PTK6: variants seen among roughly 807,000 people sequenced by gnomAD.
PTK6 encodes the protein protein-tyrosine kinase 6.
PTK6 carries 47 observed loss-of-function variants against 47.5 expected under a neutral mutation model. That is an observed-to-expected ratio of 0.99 (90% CI 0.78 to 1.26). The LOEUF is 1.26. Among genes scored for constraint, PTK6 ranks in the 50% most tolerant of loss-of-function variants. PTK6 has a pLI of 0.00. For synonymous variants in PTK6, 287 were observed against 276.5 expected (o/e 1.04, Z -0.38); for missense variants, 618 against 625.3 (o/e 0.99, Z 0.12).
At position 63,534,968 on chromosome 20, in the gene PTK6, C is replaced by T. The variant is rs754276353; in HGVS notation, c.322G>A (p.Glu108Lys). ...ATGAFLIRVS[E>K]KPSADYVLSV... ...AGGACGTAGTCGGCACTCGGCTTCT[C>T]GCTGACCCTGATCAGGAAGGCGCCC... Residue 108 changes from glutamate (E) to lysine (K), a missense_variant, in exon 2 of 8, where the codon GAG (glutamate) becomes AAG (lysine). Coordinates refer to ENST00000542869, the MANE Select transcript of PTK6 (RefSeq NM_005975.4). 5.0e-6 allele frequency: 8 copies of T among 1,606,752 alleles called. No individual in the cohort carries two copies. The highest frequency in any genetic ancestry group is 2.7e-5 in the African/African-American group (2 of 74,848).
Position 63,530,193 on chromosome 20 carries a change from G to C in PTK6, c.1053C>G (p.Tyr351Ter). ...VYLSHDHNIPYKWTAPEALSR... is the reference protein window; with the variant it reads ...VYLSHDHNIP ...AGAGCGCTTCAGGGGCCGTCCACTT[G>C]TAGGGGATATTGTGGTCATGGGAGA... is the stretch of plus-strand genomic sequence containing the variant. The change falls in exon 7 of 8, where the codon TAC (tyrosine) becomes TAG (stop). Residue 351 changes from tyrosine to a stop codon, truncating the protein, a stop_gained. Transcript: ENST00000542869. LOFTEE classifies it high-confidence loss of function. This position sits in a 1 kb window ranked among gnomAD's most constrained non-coding sequence, Gnocchi z 4.1. 6.2e-7 allele frequency: 1 copy of C among 1,614,062 alleles called. No homozygotes were observed.
At position 63,534,947 on chromosome 20, in the gene PTK6, C is replaced by G. The variant is rs145627260; in HGVS notation, c.343G>C (p.Val115Leu). The change falls in exon 2 of 8, where the codon GTC (valine) becomes CTC (leucine). Residue 115 changes from valine (V) to leucine (L), a missense_variant. By Grantham distance (32) the Val-to-Leu change is conservative. Transcript: ENST00000542869. ...RVSEKPSADY[V>L]LSVRDTQAVR... ...GAGGCCGGGGCCGCACCCGACAGGA[C>G]GTAGTCGGCACTCGGCTTCTCGCTG... 1 of 1,602,848 alleles carries G rather than the reference C, an allele frequency of 6.2e-7. No homozygotes were observed. Among genetic ancestry groups the G allele is most frequent in the Non-Finnish European group, 8.5e-7 (1 of 1,175,854 alleles).
In PTK6 at chr20:63,532,666, A is replaced by C; in HGVS notation, c.692T>G (p.Met231Arg). The C allele has an allele frequency of 6.2e-7, 1 of 1,614,012 alleles. No individual in the cohort carries two copies. The highest frequency in any genetic ancestry group is 1.1e-5 in the South Asian group (1 of 91,078). Residue 231 changes from methionine to arginine, a missense_variant, in exon 5 of 8, where the codon ATG becomes AGG. Transcript: ENST00000542869. The stretch of plus-strand genomic sequence containing the variant: ...CATGGCCTGGATCTCCGACTGCAGC[A>C]TCTGCTGGTGCAGGAGGTTGTCTGC... Reference protein sequence around the residue: ...ISRDNLLHQQMLQSEIQAMKK... With the variant: ...ISRDNLLHQQRLQSEIQAMKK...
intron 5 of PTK6, among the ~76,000 whole-genome samples, chr20:63,531,198 G>C (rs2145970526): frequency 6.6e-6 from 1 of 151,686 alleles, no homozygotes; most frequent in Middle Eastern, 3.4e-3. Flanking sequence ...GAGGCGGATG[G>C]ATCACGAGGT....
At chr20:63,534,831 C>A in intron 2 of PTK6, 107 bp downstream of exon 2, 1 of 1,418,338 alleles carries the variant, frequency 7.1e-7, no homozygotes, top group Non-Finnish European at 9.3e-7. Context: ...GAGAGGAGCC[C>A]ATGTCCCCCG....
In PTK6 at chr20:63,528,588, ATTTTTT is replaced by A. The variant is rs1439134558; in HGVS notation, c.*942_*947del. On this transcript the variant is annotated 3_prime_UTR_variant, in exon 8 of 8. Coordinates refer to ENST00000542869, the MANE Select transcript of PTK6 (RefSeq NM_005975.4). ...CCACCACACCCAGCTAATTTTTTGTATTTTTTAGTAGAGACGGGGTTTCACCGTGTT... is the reference window on the plus strand; with the variant it reads ...CCACCACACCCAGCTAATTTTTTGTAAGTAGAGACGGGGTTTCACCGTGTT... 1 of 150,342 alleles carries A rather than the reference ATTTTTT, an allele frequency of 6.7e-6. No individual in the cohort carries two copies. Among genetic ancestry groups the A allele is most frequent in the African/African-American group, 2.5e-5 (1 of 40,778 alleles). 9.3% of individuals were successfully genotyped at this position (150,342 alleles called of 1,614,324 possible).
chr20:63,530,218 A>T lies in PTK6; in HGVS notation c.1028T>A (p.Leu343His). Reference protein sequence around the residue: ...LARLIKEDVYLSHDHNIPYKW... With the variant: ...LARLIKEDVYHSHDHNIPYKW... ...GTAGGGGATATTGTGGTCATGGGAGAGGTAGACGTCCTCCTGCAATCAGCC... is the reference window on the plus strand; with the variant it reads ...GTAGGGGATATTGTGGTCATGGGAGTGGTAGACGTCCTCCTGCAATCAGCC... Residue 343 changes from leucine (L) to histidine (H), a missense_variant, in exon 7 of 8, where the codon CTC (leucine) becomes CAC (histidine). Coordinates refer to ENST00000542869, the MANE Select transcript of PTK6 (RefSeq NM_005975.4). This position sits in a 1 kb window ranked among gnomAD's most constrained non-coding sequence, Gnocchi z 4.1. 6.2e-7 allele frequency: 1 copy of T among 1,613,854 alleles called. No individual in the cohort carries two copies. The highest frequency in any genetic ancestry group is 1.1e-5 in the South Asian group (1 of 91,086).
Position 63,532,450 on chromosome 20 carries a change from T to C in PTK6, c.832+76A>G. The C allele has an allele frequency of 3.0e-6, 4 of 1,316,630 alleles. No individual in the cohort carries two copies. The East Asian group carries it at 8.1e-5, about 27-fold the overall frequency. The allele number at this position is 1,316,630 out of a possible 1,614,324, so 81.6% of individuals were successfully genotyped here. ...GTCTACGTGTGTGTGTGTGTAGACG[T>C]GGGGGGGGGGTGTGCACTTTATTTC... On this transcript the variant is annotated intron_variant, in intron 5 of 7. Transcript: ENST00000542869.
rs79063916 is a variant in PTK6 at position 63,533,853 on chromosome 20, A to C, written c.517-149T>G. On this transcript the variant is annotated intron_variant, in intron 3 of 7. Transcript: ENST00000542869. This position sits in a 1 kb window ranked among gnomAD's most constrained non-coding sequence, Gnocchi z 4.0. ...TTCTGAGTGTCTGACACAAGGGTGG[A>C]CTCTCCTGGGGGCTGCCCCCAGCCC... 2.4e-4 allele frequency: 285 copies of C among 1,200,048 alleles called. No individual in the cohort carries two copies. Among genetic ancestry groups the C allele is most frequent in the Non-Finnish European group, 3.2e-4 (278 of 882,192 alleles). The allele number at this position is 1,200,048 out of a possible 1,614,324, so 74.3% of individuals were successfully genotyped here. A position where few individuals can be genotyped will look rare whatever the true frequency, so the allele number is the denominator to read the frequency against.
chr20:63,530,791 G>A lies in PTK6; in HGVS notation c.969C>T (p.Asn323=), dbSNP rs761164304. 3 of 1,614,070 alleles carry A rather than the reference G, an allele frequency of 1.9e-6. No homozygotes were observed. Among genetic ancestry groups the A allele is most frequent in the East Asian group, 2.2e-5 (1 of 44,868 alleles). ...CGAAGTCCCCAACTTTGCAGAGGGT[G>A]TTTTCCCCGACGAGGATGTTCCTGG... is the stretch of plus-strand genomic sequence containing the variant. ...LAARNILVGE[N]TLCKVGDFGL... Residue 323 remains asparagine, a synonymous_variant, in exon 6 of 8, where the codon AAC becomes AAT. Coordinates refer to ENST00000542869, the MANE Select transcript of PTK6 (RefSeq NM_005975.4). The surrounding 1 kb of genome is among the most constrained non-coding windows in gnomAD (Gnocchi z 4.1).
chr20:63,534,961 G>T lies in PTK6; in HGVS notation c.329C>A (p.Pro110Gln), dbSNP rs546666611. 5 of 1,605,568 alleles carry T rather than the reference G, an allele frequency of 3.1e-6. No homozygotes were observed. The South Asian group carries it at 5.5e-5, about 18-fold the overall frequency. Residue 110 changes from proline (P) to glutamine (Q), a missense_variant, in exon 2 of 8, where the codon CCG becomes CAG. Pro to Gln is a moderately conservative substitution (Grantham distance 76). Coordinates refer to ENST00000542869, the MANE Select transcript of PTK6 (RefSeq NM_005975.4). ...ACCCGACAGGACGTAGTCGGCACTC[G>T]GCTTCTCGCTGACCCTGATCAGGAA... ...GAFLIRVSEK[P>Q]SADYVLSVRD...
chr20:63,529,581 C>A lies in PTK6; in HGVS notation c.1311G>T (p.Leu437=). The change falls in exon 8 of 8, where the codon CTG becomes CTT. Residue 437 remains leucine, a synonymous_variant. Transcript: ENST00000542869. This position sits in a 1 kb window ranked among gnomAD's most constrained non-coding sequence, Gnocchi z 5.6. The part of the protein sequence containing the change: ...DPEQRPCFKA[L]RERLSSFTSY... ...TGGTGAAGCTGGAGAGCCTCTCCCG[C>A]AGGGCCTTGAAGCAGGGTCTCTGCT... is the stretch of plus-strand genomic sequence containing the variant. 6.3e-7 allele frequency: 1 copy of A among 1,575,602 alleles called. No homozygotes were observed. The highest frequency in any genetic ancestry group is 8.6e-7 in the Non-Finnish European group (1 of 1,160,542).
rs962758114 is a variant in PTK6 at position 63,535,175 on chromosome 20, C to T, written c.231-116G>A. On this transcript the variant is annotated intron_variant, in intron 1 of 7. Transcript: ENST00000542869. ...CGCCCTTGCCTGCCACCTCAAGCTCCCAGCCCTGACCACAGCTGCTCTCAG... is the reference window on the plus strand; with the variant it reads ...CGCCCTTGCCTGCCACCTCAAGCTCTCAGCCCTGACCACAGCTGCTCTCAG... 2.9e-6 allele frequency: 4 copies of T among 1,364,466 alleles called. No homozygotes were observed. The African/African-American group carries it at 5.9e-5, about 20-fold the overall frequency. 84.5% of individuals were successfully genotyped at this position (1,364,466 alleles called of 1,614,324 possible). A position where few individuals can be genotyped will look rare whatever the true frequency, so the allele number is the denominator to read the frequency against.
At position 63,533,896 on chromosome 20, in the gene PTK6, C is replaced by G. The variant is rs114006764; in HGVS notation, c.517-192G>C. ...CCCAGCCCAGCATGAAACACCCAGA[C>G]AGACCGGAGCCAGGACCCTGCAGAG... On this transcript the variant is annotated intron_variant, in intron 3 of 7. Transcript: ENST00000542869. This position sits in a 1 kb window ranked among gnomAD's most constrained non-coding sequence, Gnocchi z 4.0. 0.01 allele frequency among the ~76,000 whole-genome samples: 1,590 copies of G among 152,280 alleles called. 26 individuals are homozygous for G. The highest frequency in any genetic ancestry group is 0.036 in the African/African-American group (1,505 of 41,554).
rs545619534 is a variant in PTK6, at chr20:63,534,197, G to A, written c.471C>T (p.Ala157=). The change falls in exon 3 of 8, where the codon GCC becomes GCT. Residue 157 remains alanine, a synonymous_variant. Coordinates refer to ENST00000542869, the MANE Select transcript of PTK6 (RefSeq NM_005975.4). ...SLPELVNYHR[A]QSLSHGLRLA... The stretch of plus-strand genomic sequence containing the variant: ...GCCGCAGGCCGTGGGACAGGCTCTG[G>A]GCCCTGTGGTAGTTCACAAGCTCGG... 16 of 1,576,316 alleles carry A rather than the reference G, an allele frequency of 1.0e-5. No individual in the cohort carries two copies. The South Asian group carries it at 1.7e-4, about 17-fold the overall frequency.
In PTK6 at chr20:63,533,260, G is replaced by A. The variant is rs1340589183; in HGVS notation, c.670+291C>T. Among the ~76,000 whole-genome samples the A allele has an allele frequency of 6.6e-6, 1 of 152,182 alleles. No individual in the cohort carries two copies. The highest frequency in any genetic ancestry group is 1.5e-5 in the Non-Finnish European group (1 of 67,994). ...TTTTTGTATTTTTAGTAGAGACGTG[G>A]TTTCCCCATGTTGGCCAGGCTGGTC... On this transcript the variant is annotated intron_variant, in intron 4 of 7. Coordinates refer to ENST00000542869, the MANE Select transcript of PTK6 (RefSeq NM_005975.4). The surrounding 1 kb of genome is among the most constrained non-coding windows in gnomAD (Gnocchi z 4.0).
chr20:63,529,305 G>A lies in PTK6; in HGVS notation c.*231C>T. On this transcript the variant is annotated 3_prime_UTR_variant, in exon 8 of 8. Coordinates refer to ENST00000542869, the MANE Select transcript of PTK6 (RefSeq NM_005975.4). The surrounding 1 kb of genome is among the most constrained non-coding windows in gnomAD (Gnocchi z 5.6). ...CGTGTCAGTCTCCCGGATCTCATCT[G>A]CAGGCTCCAGAGCAGGCTGCGTGTC... 1 of 452,506 alleles carries A rather than the reference G, an allele frequency of 2.2e-6. No individual in the cohort carries two copies. Among genetic ancestry groups the A allele is most frequent in the Non-Finnish European group, 3.9e-6 (1 of 258,898 alleles). The allele number at this position is 452,506 out of a possible 1,614,324, so 28.0% of individuals were successfully genotyped here.
rs774944259 is a variant in PTK6 at position 63,530,715 on chromosome 20, C to T, written c.1014+31G>A. ...CAGCCCTCCGGCCACGCCCCGGCCA[C>T]GACCCCAGCCACGCCCTCTGAGGGC... On this transcript the variant is annotated intron_variant, in intron 6 of 7. Coordinates refer to ENST00000542869, the MANE Select transcript of PTK6 (RefSeq NM_005975.4). This position sits in a 1 kb window ranked among gnomAD's most constrained non-coding sequence, Gnocchi z 4.1. The T allele has an allele frequency of 2.2e-5, 35 of 1,608,092 alleles. No homozygotes were observed. The highest frequency in any genetic ancestry group is 1.5e-4 in the South Asian group (14 of 90,718).
Position 63,530,630 on chromosome 20 carries a change from G to T in PTK6, c.1014+116C>A. 1 of 1,309,798 alleles carries T rather than the reference G, an allele frequency of 7.6e-7. No homozygotes were observed. Among genetic ancestry groups the T allele is most frequent in the Non-Finnish European group, 1.0e-6 (1 of 965,548 alleles). 81.1% of individuals were successfully genotyped at this position (1,309,798 alleles called of 1,614,324 possible). A position where few individuals can be genotyped will look rare whatever the true frequency, so the allele number is the denominator to read the frequency against. ...ACCTCCCTGCCCAGCCTGGGCTCCC[G>T]AGGGCAGGGGCCGCATCCTGCTCCC... On this transcript the variant is annotated intron_variant, in intron 6 of 7. Coordinates refer to ENST00000542869, the MANE Select transcript of PTK6 (RefSeq NM_005975.4). This position sits in a 1 kb window ranked among gnomAD's most constrained non-coding sequence, Gnocchi z 4.1.
Sources: gnomAD v4.1 joint callset for allele counts (sites outside exome capture counted in the v4.1 genomes callset) on GRCh38, gnomAD v4.1.1 for gene constraint, Gnocchi (gnomAD v3.1) non-coding constraint, MANE v1.5 for transcripts, NCBI Gene and HGNC (gene_info 2026-07-23, HGNC 2026-07-21) for gene names.